OAS2: variants seen among roughly 807,000 people sequenced by gnomAD.
OAS2 encodes 2'-5'-oligoadenylate synthase 2.
OAS2 carries 67 observed loss-of-function variants against 71.3 expected under a neutral mutation model. The observed-to-expected ratio is 0.94, with a 90% CI of 0.77 to 1.15. The LOEUF is 1.15. Among genes scored for constraint, OAS2 ranks in the 50% most tolerant of loss-of-function variants. The pLI, the probability that OAS2 is intolerant of heterozygous loss-of-function variation, is 0.00. For synonymous variants in OAS2, 327 were observed against 321.8 expected (o/e 1.02, Z -0.17); for missense variants, 789 against 822.5 (o/e 0.96, Z 0.50).
At chr12:112,993,262 C>A (rs570997853) in intron 2 of OAS2, among the ~76,000 whole-genome samples, 2 of 152,202 alleles carry the variant, frequency 1.3e-5, no homozygotes, top group Admixed American at 1.3e-4. Context: ...AACTCTCCCC[C>A]TAGGGCCTTT....
intron 5 of OAS2, among the ~76,000 whole-genome samples, chr12:112,999,578 G>C (rs959477720): frequency 1.1e-4 from 17 of 152,334 alleles, no homozygotes; most frequent in African/African-American, 3.8e-4. Context: ...AGGTTGGGGA[G>C]TCTATGAATG....
Position 113,010,493 on chromosome 12 carries a change from T to C in OAS2, c.*1238T>C. On this transcript the variant is annotated 3_prime_UTR_variant, in exon 10 of 10. Coordinates refer to ENST00000392583, the MANE Select transcript of OAS2 (RefSeq NM_002535.3). The stretch of plus-strand genomic sequence containing the variant: ...CTAAAAGAAACTTCTAGAGATCATC[T>C]GGCAATCGCTTTTAAAGACTCGGCT... The C allele has an allele frequency of 6.2e-7, 1 of 1,611,414 alleles. No individual in the cohort carries two copies. Among genetic ancestry groups the C allele is most frequent in the Non-Finnish European group, 8.5e-7 (1 of 1,179,466 alleles).
In OAS2 at chr12:113,005,140, C is replaced by T; in HGVS notation, c.1386C>T (p.Pro462=). ...TTGAGCCTCCCAAGTGGAAGGCTCC[C>T]AGGGTGCTGAGCTTCTCTCTGAAAT... ...VSFEPPKWKA[P]RVLSFSLKSK... The change falls in exon 7 of 10, where the codon CCC becomes CCT. Residue 462 remains proline (P), a synonymous_variant. Transcript: ENST00000392583. 1 of 1,614,114 alleles carries T rather than the reference C, an allele frequency of 6.2e-7. No homozygotes were observed. The highest frequency in any genetic ancestry group is 8.5e-7 in the Non-Finnish European group (1 of 1,179,990).
chr12:113,009,088 C>G lies in OAS2; in HGVS notation c.1897C>G (p.Pro633Ala). Residue 633 changes from proline (P) to alanine (A), a missense_variant and splice_region_variant, in exon 10 of 10, where the codon CCT (proline) becomes GCT (alanine). Pro to Ala is a conservative substitution (Grantham distance 27). Transcript: ENST00000392583. The part of the protein sequence containing the change: ...FLLSQLQKTR[P>A]VILDPAEPTG... ...AATGCCTTCTAACCTCTCATTCAGG[C>G]CTGTGATCTTGGACCCAGCCGAACC... 1 of 1,612,900 alleles carries G rather than the reference C, an allele frequency of 6.2e-7. No individual in the cohort carries two copies. Among genetic ancestry groups the G allele is most frequent in the Non-Finnish European group, 8.5e-7 (1 of 1,179,706 alleles).
rs147623979 is a variant in OAS2 at position 113,003,144 on chromosome 12, T to A, written c.1179+42T>A. ...CTCATGTCTTGTTGGAATGATGTAA[T>A]ATTGGGCATTCCTGGAAGGGAGGTA... On this transcript the variant is annotated intron_variant, in intron 6 of 9. Coordinates refer to ENST00000392583, the MANE Select transcript of OAS2 (RefSeq NM_002535.3). 186 of 1,595,450 alleles carry A rather than the reference T, an allele frequency of 1.2e-4. 1 individual carries two copies. The African/African-American group carries it at 2.2e-3, about 19-fold the overall frequency.
At chr12:112,993,146 G>GT (rs748516204) in intron 2 of OAS2, among the ~76,000 whole-genome samples, 1 of 152,052 alleles carries the variant, frequency 6.6e-6, no homozygotes, top group Non-Finnish European at 1.5e-5. Context: ...GTTTTGTTTT[G>GT]TTTTTTAAAC....
At position 113,005,099 on chromosome 12, in the gene OAS2, G is replaced by C. The variant is rs762816529; in HGVS notation, c.1345G>C (p.Glu449Gln). 3.7e-6 allele frequency: 6 copies of C among 1,614,178 alleles called. No individual in the cohort carries two copies. Among genetic ancestry groups the C allele is most frequent in the Non-Finnish European group, 5.1e-6 (6 of 1,180,030 alleles). The change falls in exon 7 of 10, where the codon GAG (glutamate) becomes CAG (glutamine). Residue 449 changes from glutamate to glutamine, a missense_variant. Glu to Gln is a conservative substitution (Grantham distance 29). Transcript: ENST00000392583. ...AGCCTTTTGGAGGGAGAAGGAGGAG[G>C]AGCTTGAAGTCAGCTTTGAGCCTCC... ...LKAFWREKEE[E>Q]LEVSFEPPKW... is the part of the protein sequence containing the mutation.
At chr12:112,992,987 C>T (rs1412229365) in intron 2 of OAS2, among the ~76,000 whole-genome samples, 1 of 152,132 alleles carries the variant, frequency 6.6e-6, no homozygotes, top group African/African-American at 2.4e-5. Context: ...GAGAAATAAA[C>T]TCTTCCCCAC....
At chr12:112,981,075 T>C (rs1324063707) in intron 1 of OAS2, among the ~76,000 whole-genome samples, 1 of 152,206 alleles carries the variant, frequency 6.6e-6, no homozygotes, top group Non-Finnish European at 1.5e-5. Flanking sequence ...GTTGTTTTCT[T>C]TGCTGTTGAG....
At chr12:112,983,142 A>T (rs2136375749) in intron 1 of OAS2, among the ~76,000 whole-genome samples, 1 of 151,916 alleles carries the variant, frequency 6.6e-6, no homozygotes, top group Non-Finnish European at 1.5e-5. Flanking sequence ...TATTTTGTTA[A>T]TTTTTAGCCT....
At chr12:112,988,543 GT>G in intron 2 of OAS2, 11 of 879,930 alleles carry the variant, frequency 1.3e-5, no homozygotes, top group Non-Finnish European at 1.5e-5. Flanking sequence ...ATCCTTTTAG[GT>G]TATAGTTCAC....
At position 113,006,726 on chromosome 12, in the gene OAS2, A is replaced by G. The variant is rs1235593006; in HGVS notation, c.1656+126A>G. The G allele has an allele frequency of 1.4e-5, 11 of 765,936 alleles. No homozygotes were observed. The East Asian group carries it at 2.3e-4, about 16-fold the overall frequency. 47.4% of individuals were successfully genotyped at this position (765,936 alleles called of 1,614,324 possible). A position where few individuals can be genotyped will look rare whatever the true frequency, so the allele number is the denominator to read the frequency against. Reference sequence around the variant, plus strand: ...CCACTTTGGAGAATCTGCCCACTGGATATCTTTACGACGTTCCCATCACTA... The same window carrying G: ...CCACTTTGGAGAATCTGCCCACTGGGTATCTTTACGACGTTCCCATCACTA... On this transcript the variant is annotated intron_variant, in intron 8 of 9. Coordinates refer to ENST00000392583, the MANE Select transcript of OAS2 (RefSeq NM_002535.3).
Position 113,010,761 on chromosome 12 carries a change from T to C in OAS2, c.*1506T>C, listed in dbSNP as rs1191696158. 1 of 238,628 alleles carries C rather than the reference T, an allele frequency of 4.2e-6. No homozygotes were observed. The highest frequency in any genetic ancestry group is 8.0e-6 in the Non-Finnish European group (1 of 124,394). The allele number at this position is 238,628 out of a possible 1,614,324, so 14.8% of individuals were successfully genotyped here. A position where few individuals can be genotyped will look rare whatever the true frequency, so the allele number is the denominator to read the frequency against. On this transcript the variant is annotated 3_prime_UTR_variant, in exon 10 of 10. Transcript: ENST00000392583. ...TTGTATTTTTCCAATTAGCTCCTCC[T>C]TTTTCCTTCCAGTCTAAAAAAGGAA...
At chr12:112,997,995 C>A (rs2044251065) in intron 4 of OAS2, among the ~76,000 whole-genome samples, 1 of 152,186 alleles carries the variant, frequency 6.6e-6, no homozygotes, top group South Asian at 2.1e-4. Flanking sequence ...GACACTTCCC[C>A]TTATAGAAGG....
At position 112,997,693 on chromosome 12, in the gene OAS2, C is replaced by G; in HGVS notation, c.801C>G (p.Val267=). 6.2e-7 allele frequency: 1 copy of G among 1,613,346 alleles called. No homozygotes were observed. The highest frequency in any genetic ancestry group is 8.5e-7 in the Non-Finnish European group (1 of 1,179,606). ...AGAAGCTGTGTATCTATTGGATGGT[C>G]AACTACAACTTTGAAGATGAGACCA... ...CQEKLCIYWM[V]NYNFEDETIR... The change falls in exon 4 of 10, where the codon GTC becomes GTG. Residue 267 remains valine, a synonymous_variant. Coordinates refer to ENST00000392583, the MANE Select transcript of OAS2 (RefSeq NM_002535.3).
chr12:112,994,287 C>T (rs961929961), intron 2 of OAS2, among the ~76,000 whole-genome samples: 2 of 152,216 alleles, frequency 1.3e-5, no homozygotes, highest in African/African-American at 4.8e-5. Flanking sequence ...ATCTCCTCAG[C>T]TGCAGCACCT....
rs1346183571 is a variant in OAS2, at chr12:112,997,503, CT to C, written c.628-14del. On this transcript the variant is annotated splice_polypyrimidine_tract_variant and intron_variant, in intron 3 of 9. Coordinates refer to ENST00000392583, the MANE Select transcript of OAS2 (RefSeq NM_002535.3). ...CTAGATCCCCCAATGAGCTGCTACCCTTTCCTTATCCCACAGTGCCAGAAAA... is the reference window on the plus strand; with the variant it reads ...CTAGATCCCCCAATGAGCTGCTACCCTTCCTTATCCCACAGTGCCAGAAAA... 1 of 1,607,388 alleles carries C rather than the reference CT, an allele frequency of 6.2e-7. No individual in the cohort carries two copies. The highest frequency in any genetic ancestry group is 1.3e-5 in the African/African-American group (1 of 74,868).
chr12:112,995,102 T>C (rs1029507874), intron 2 of OAS2, among the ~76,000 whole-genome samples, 194 bp from the exon 3 acceptor site: 12 of 152,220 alleles, frequency 7.9e-5, no homozygotes, highest in Admixed American at 5.9e-4. Flanking sequence ...ACAGTCAGTT[T>C]AGACTACACT....
chr12:113,008,680 C>A (rs1784743536), intron 9 of OAS2, among the ~76,000 whole-genome samples: 1 of 152,172 alleles, frequency 6.6e-6, no homozygotes, highest in South Asian at 2.1e-4. Context: ...GGCTGGAGTG[C>A]AGTGGCACAA....
Sources: allele counts gnomAD v4.1 joint callset (sites outside exome capture counted in the v4.1 genomes callset), GRCh38; gene constraint gnomAD v4.1.1; transcripts MANE v1.5; gene names NCBI Gene and HGNC (gene_info 2026-07-23, HGNC 2026-07-21).